GPHN: variants seen among roughly 807,000 people sequenced by gnomAD.
GPHN encodes gephyrin.
Under a neutral mutation model 95.5 loss-of-function variants are expected in GPHN, and 17 were observed. The observed-to-expected ratio is 0.18, with a 90% confidence interval of 0.12 to 0.27. The LOEUF is 0.27. Among genes scored for constraint, GPHN ranks in the 10% least tolerant of loss-of-function variants. The pLI, the probability that GPHN is intolerant of heterozygous loss-of-function variation, is 1.00. For missense variants in GPHN, 660 were observed against 978.1 expected (o/e 0.67, Z 4.34); for synonymous variants, 320 against 322.5 (o/e 0.99, Z 0.08).
chr14:67,080,003 A>G (rs909312362), intron 11 of GPHN, among the ~76,000 whole-genome samples: 12 of 151,946 alleles, frequency 7.9e-5, no homozygotes, highest in Non-Finnish European at 5.9e-5. Flanking sequence ...CTTCCATACT[A>G]TTTTACAAGT....
the GPHN span, chr14:67,301,528 C>T: frequency 8.3e-7 from 1 of 1,197,688 alleles, no homozygotes; most frequent in South Asian, 1.4e-5. Context: ...TTTTTTAAAT[C>T]AAAGACTCCA....
In GPHN at chr14:67,096,134, A is replaced by G. The variant is rs543062022; in HGVS notation, c.1238-4722A>G. Among the ~76,000 whole-genome samples, 4 of 152,194 alleles carry G rather than the reference A, an allele frequency of 2.6e-5. 1 individual carries two copies. Among genetic ancestry groups the G allele is most frequent in the African/African-American group, 7.2e-5 (3 of 41,530 alleles). ...CCTCTCTTGGTACCAAGAAACTTCTATGTAGTTGTTTGACTGATTCTTCCT... is the reference window on the plus strand; with the variant it reads ...CCTCTCTTGGTACCAAGAAACTTCTGTGTAGTTGTTTGACTGATTCTTCCT... On this transcript the variant is annotated intron_variant, in intron 12 of 22. Coordinates refer to ENST00000478722, the MANE Select transcript of GPHN (RefSeq NM_020806.5).
chr14:66,883,193 C>A (rs532546643), intron 5 of GPHN, among the ~76,000 whole-genome samples: 2 of 151,768 alleles, frequency 1.3e-5, no homozygotes, highest in African/African-American at 4.8e-5. Context: ...CCCTGAGGCT[C>A]TGTTAATTTT....
At chr14:67,007,383 G>A (rs1294978870) in intron 9 of GPHN, among the ~76,000 whole-genome samples, 2 of 152,174 alleles carry the variant, frequency 1.3e-5, no homozygotes, top group African/African-American at 4.8e-5. Flanking sequence ...GTGGGCTGAT[G>A]AAATATAAAT....
At chr14:67,314,115 T>A in the GPHN span, among the ~76,000 whole-genome samples, 1 of 152,144 alleles carries the variant, frequency 6.6e-6, no homozygotes, top group Non-Finnish European at 1.5e-5. Flanking sequence ...CCAGAAGATT[T>A]TAAGCATAAC....
At chr14:66,792,507 G>A (rs1224309840) in intron 3 of GPHN, among the ~76,000 whole-genome samples, 2 of 150,778 alleles carry the variant, frequency 1.3e-5, no homozygotes, top group East Asian at 1.9e-4. Context: ...AAAACTGTCA[G>A]TCAACCAAGG....
At chr14:66,672,099 A>G (rs1300612364) in intron 1 of GPHN, among the ~76,000 whole-genome samples, 2 of 152,082 alleles carry the variant, frequency 1.3e-5, no homozygotes, top group Admixed American at 1.3e-4. Flanking sequence ...ATTTCCCTCT[A>G]AACACTGCTT....
At chr14:67,577,479 G>A in the GPHN span, 19 of 1,044,706 alleles carry the variant, frequency 1.8e-5, no homozygotes, top group East Asian at 2.8e-4. Flanking sequence ...GAGAAGGCCT[G>A]TGCAGTTGGG....
the GPHN span, among the ~76,000 whole-genome samples, chr14:67,604,790 A>G: frequency 6.6e-6 from 1 of 152,168 alleles, no homozygotes; most frequent in Non-Finnish European, 1.5e-5. Context: ...ATTTAAGCCA[A>G]TGATCCATTT....
At chr14:67,642,347 C>A in the GPHN span, 1 of 1,613,846 alleles carries the variant, frequency 6.2e-7, no homozygotes, top group East Asian at 2.2e-5. Context: ...CTGTGTCACA[C>A]TGGGAGGAGA....
chr14:67,606,201 GAA>G, the GPHN span, among the ~76,000 whole-genome samples: 1,808 of 152,264 alleles, frequency 0.012, 41 homozygotes, highest in African/African-American at 0.04. Flanking sequence ...TAGAAGAAAT[GAA>G]ACATGAAAGA....
At chr14:67,567,462 T>TG in the GPHN span, among the ~76,000 whole-genome samples, 1 of 152,216 alleles carries the variant, frequency 6.6e-6, no homozygotes, top group African/African-American at 2.4e-5. Context: ...GGCTTGTCCT[T>TG]GGTTAAATTC....
the GPHN span, among the ~76,000 whole-genome samples, chr14:67,481,891 C>T: frequency 3.3e-4 from 50 of 152,168 alleles, no homozygotes; most frequent in Non-Finnish European, 1.3e-4. Context: ...ACAAAACTGT[C>T]CTGAGACCTG....
intron 19 of GPHN, 144 bp downstream of exon 19, chr14:67,159,632 A>C (rs2081845567): frequency 2.9e-6 from 2 of 699,920 alleles, no homozygotes; most frequent in Non-Finnish European, 2.6e-6. Flanking sequence ...GATCCTTTGC[A>C]CAAGTGCAGG....
At chr14:66,809,358 A>AAATAAT (rs540241852) in intron 3 of GPHN, among the ~76,000 whole-genome samples, 3 of 151,680 alleles carry the variant, frequency 2.0e-5, no homozygotes, top group African/African-American at 4.8e-5. Flanking sequence ...GAGTTTTCCT[A>AAATAAT]AATAATAATA....
chr14:67,264,038 A>T, the GPHN span, among the ~76,000 whole-genome samples: 125 of 152,242 alleles, frequency 8.2e-4, no homozygotes, highest in African/African-American at 2.7e-3. Flanking sequence ...AGCACCTGGG[A>T]CTACAGGTGC....
the GPHN span, chr14:67,572,143 A>G: frequency 1.9e-6 from 3 of 1,606,760 alleles, no homozygotes; most frequent in Admixed American, 3.4e-5. Flanking sequence ...AGGCGTCTCC[A>G]TGTCCTCACT....
At chr14:67,252,103 G>A in the GPHN span, among the ~76,000 whole-genome samples, 1 of 152,176 alleles carries the variant, frequency 6.6e-6, no homozygotes, top group Non-Finnish European at 1.5e-5. Flanking sequence ...CTATTCCTGA[G>A]TTGTATCCCT....
intron 1 of GPHN, among the ~76,000 whole-genome samples, chr14:66,542,181 G>A (rs958762143): frequency 6.6e-6 from 1 of 152,142 alleles, no homozygotes; most frequent in African/African-American, 2.4e-5. Flanking sequence ...AGCTATATAC[G>A]TCGAGAGGAA....
Sources: allele counts gnomAD v4.1 joint callset (sites outside exome capture counted in the v4.1 genomes callset), GRCh38; gene constraint gnomAD v4.1.1; transcripts MANE v1.5; gene names NCBI Gene and HGNC (gene_info 2026-07-23, HGNC 2026-07-21).